Variants in C16orf74 observed in about 807,000 individuals in gnomAD.
C16orf74 encodes the protein calcimembrin, also known as uncharacterized protein C16orf74.
In C16orf74, 10 loss-of-function variants were observed where a neutral mutation model predicts 6.5. The observed-to-expected ratio is 1.54, with a 90% CI of 0.95 to 2.61. The LOEUF (loss-of-function observed/expected upper bound fraction) is 2.61. Ranked by LOEUF, C16orf74 falls within the 30% of genes most tolerant of loss-of-function variation. The probability of loss-of-function intolerance (pLI) is 0.00; values close to 1 mark genes in which losing one functional copy is unlikely to be tolerated. For synonymous variants in C16orf74, 60 were observed against 42.5 expected, an observed-to-expected ratio of 1.41 and a Z score of -1.60; for missense variants, 141 against 105.9, an observed-to-expected ratio of 1.33 and a Z score of -1.45.
At chr16:85,732,955 A>C (rs527478676) in intron 2 of C16orf74, among the ~76,000 whole-genome samples, 20 of 151,750 alleles carry the variant, frequency 1.3e-4, no homozygotes, top group Admixed American at 1.3e-3. Context: ...CTGTGCTTTC[A>C]CTCGTGAGGG....
chr16:85,711,238 C>G (rs577441096), intron 2 of C16orf74, among the ~76,000 whole-genome samples: 4 of 151,424 alleles, frequency 2.6e-5, no homozygotes, highest in Non-Finnish European at 5.9e-5. Context: ...ATCACTTAAA[C>G]CCGGGAGGCA....
At chr16:85,739,330 T>G (rs1446345710) in intron 1 of C16orf74, among the ~76,000 whole-genome samples, 1 of 152,228 alleles carries the variant, frequency 6.6e-6, no homozygotes, top group African/African-American at 2.4e-5. Flanking sequence ...TATTCCCTTT[T>G]ATCCTGTCTT....
Position 85,707,815 on chromosome 16 carries a change from T to C in C16orf74, c.*193A>G. On this transcript the variant is annotated 3_prime_UTR_variant, in exon 4 of 4. Coordinates refer to ENST00000284245, the MANE Select transcript of C16orf74 (RefSeq NM_206967.3). Reference sequence around the variant, plus strand: ...GAGGTCCGGTCCACTCAGCGGGGCCTGGGAAACACTGTTCTGGAAGTGGAC... The same window carrying C: ...GAGGTCCGGTCCACTCAGCGGGGCCCGGGAAACACTGTTCTGGAAGTGGAC... 1 of 590,162 alleles carries C rather than the reference T, an allele frequency of 1.7e-6. No homozygotes were observed. The allele number at this position is 590,162 out of a possible 1,614,324, so 36.6% of individuals were successfully genotyped here.
At chr16:85,715,019 C>T (rs1231542289) in intron 2 of C16orf74, among the ~76,000 whole-genome samples, 17 of 151,586 alleles carry the variant, frequency 1.1e-4, no homozygotes, top group South Asian at 4.2e-4. Flanking sequence ...TAGGCAGGCA[C>T]GGTGGCGGGC....
chr16:85,744,665 C>T (rs1475938924), intron 1 of C16orf74, among the ~76,000 whole-genome samples: 2 of 151,630 alleles, frequency 1.3e-5, no homozygotes, highest in Non-Finnish European at 2.9e-5. Flanking sequence ...CCTGTCTCTA[C>T]TAAAAATACA....
intron 1 of C16orf74, among the ~76,000 whole-genome samples, chr16:85,740,827 CAAAAAAA>C (rs57813380): frequency 2.0e-5 from 2 of 97,900 alleles, no homozygotes; most frequent in South Asian, 3.8e-4. Flanking sequence ...GTGAGACCCT[CAAAAAAA>C]AAAAAAAAAA....
chr16:85,724,990 G>C (rs574102855), intron 2 of C16orf74, among the ~76,000 whole-genome samples: 2 of 151,700 alleles, frequency 1.3e-5, no homozygotes, highest in Non-Finnish European at 2.9e-5. Flanking sequence ...ATGGCGCTTC[G>C]TCTCCCACCT....
At chr16:85,741,354 T>C (rs1212182129) in intron 1 of C16orf74, among the ~76,000 whole-genome samples, 1 of 151,992 alleles carries the variant, frequency 6.6e-6, no homozygotes, top group South Asian at 2.1e-4. Context: ...GTCTTGCAAT[T>C]TGAAAGACCC....
chr16:85,732,073 A>C (rs903798038), intron 2 of C16orf74, among the ~76,000 whole-genome samples: 16 of 152,206 alleles, frequency 1.1e-4, no homozygotes, highest in Non-Finnish European at 2.2e-4. Context: ...GTTGTCCTTA[A>C]AAGAGAAGGG....
chr16:85,719,065 T>C (rs535226879), intron 2 of C16orf74, among the ~76,000 whole-genome samples: 148 of 152,368 alleles, frequency 9.7e-4, no homozygotes, highest in African/African-American at 3.3e-3. Flanking sequence ...TCACTTCTGC[T>C]TCCTGCTGTG....
chr16:85,735,504 T>C (rs2054234465), intron 1 of C16orf74, among the ~76,000 whole-genome samples: 1 of 152,154 alleles, frequency 6.6e-6, no homozygotes, highest in Non-Finnish European at 1.5e-5. Context: ...CCTGGCTCTG[T>C]GAGGTCACTT....
At chr16:85,711,093 C>G (rs2053964857) in intron 2 of C16orf74, among the ~76,000 whole-genome samples, 1 of 152,074 alleles carries the variant, frequency 6.6e-6, no homozygotes, top group Non-Finnish European at 1.5e-5. Flanking sequence ...GCGGGCAGAT[C>G]ACTTGAGGTC....
intron 1 of C16orf74, chr16:85,741,575 A>T (rs1303759584): frequency 5.9e-6 from 1 of 170,234 alleles, no homozygotes; most frequent in Non-Finnish European, 1.5e-5. Flanking sequence ...CCACGTGGAG[A>T]GTTTTCACAC....
chr16:85,748,934 T>C, intron 1 of C16orf74, among the ~76,000 whole-genome samples: 1 of 22,040 alleles, frequency 4.5e-5, no homozygotes, highest in Non-Finnish European at 1.1e-4. Context: ...GATTTTTTTT[T>C]TTTTTTTTTT....
intron 3 of C16orf74, among the ~76,000 whole-genome samples, chr16:85,709,485 C>T (rs1178512665): frequency 7.2e-6 from 1 of 137,998 alleles, no homozygotes; most frequent in Non-Finnish European, 1.6e-5. Flanking sequence ...CTATCATGAC[C>T]ATCCCCAATG....
intron 1 of C16orf74, among the ~76,000 whole-genome samples, chr16:85,750,270 G>A (rs1358630096): frequency 1.3e-5 from 2 of 152,174 alleles, no homozygotes; most frequent in African/African-American, 4.8e-5. Context: ...AGCCGGAGGC[G>A]GTCTGAGAGA....
chr16:85,740,688 T>C (rs1162900014), intron 1 of C16orf74, among the ~76,000 whole-genome samples: 2 of 44,976 alleles, frequency 4.4e-5, no homozygotes, highest in South Asian at 9.8e-4. Context: ...CGAGACTCTG[T>C]TTCAAAAAAA....
intron 2 of C16orf74, chr16:85,710,900 T>C (rs533367179): frequency 1.3e-5 from 2 of 152,456 alleles, no homozygotes; most frequent in Admixed American, 1.3e-4. Context: ...AATGACATGA[T>C]TTATTTTTAC....
intron 1 of C16orf74, among the ~76,000 whole-genome samples, chr16:85,750,129 G>A (rs556436154): frequency 6.3e-4 from 96 of 152,286 alleles, no homozygotes; most frequent in Admixed American, 2.4e-3. Flanking sequence ...ACATTGAGGC[G>A]TTCGTTCCCC....
Sources: allele counts gnomAD v4.1 joint callset (sites outside exome capture counted in the v4.1 genomes callset), GRCh38; gene constraint gnomAD v4.1.1; transcripts MANE v1.5; gene names NCBI Gene and HGNC (gene_info 2026-07-23, HGNC 2026-07-21).